Variants in RUFY2 observed in about 807,000 individuals in gnomAD.
RUFY2 encodes RUN and FYVE domain-containing protein 2.
A neutral mutation model predicts 94.4 loss-of-function variants in RUFY2; 49 were observed. The ratio of observed to expected loss-of-function variants is 0.52; its 90% CI spans 0.41 to 0.66. The LOEUF is 0.66. Among genes scored for constraint, RUFY2 ranks in the 30% least tolerant of loss-of-function variants. RUFY2 has a pLI of 0.00. For synonymous variants in RUFY2, 255 were observed against 235.7 expected (o/e 1.08, Z -0.75); for missense variants, 541 against 692.8 (o/e 0.78, Z 2.46).
chr10:68,359,381 TGTATATATAC>T (rs200751458), intron 15 of RUFY2, among the ~76,000 whole-genome samples: 1,661 of 149,376 alleles, frequency 0.011, 29 homozygotes, highest in African/African-American at 0.037. Flanking sequence ...TATATATGTG[TGTATATATAC>T]GTATATATAC....
chr10:68,399,944 C>A (rs558480103), intron 3 of RUFY2, among the ~76,000 whole-genome samples: 2 of 151,100 alleles, frequency 1.3e-5, no homozygotes, highest in East Asian at 4.0e-4. Flanking sequence ...ACCACACCGG[C>A]TAATTTTGTA....
chr10:68,363,910 T>G, intron 14 of RUFY2, 74 bp downstream of exon 14: 1 of 1,215,040 alleles, frequency 8.2e-7, no homozygotes, highest in Non-Finnish European at 1.1e-6. Flanking sequence ...TGGTATAATG[T>G]AAATTATGAT....
Position 68,400,545 on chromosome 10 carries a change from A to G in RUFY2, c.296+1075T>C, listed in dbSNP as rs535858950. Among the ~76,000 whole-genome samples, 457 of 151,204 alleles carry G rather than the reference A, an allele frequency of 3.0e-3. 2 individuals are homozygous for G. The highest frequency in any genetic ancestry group is 8.5e-3 in the Admixed American group (129 of 15,152). On this transcript the variant is annotated intron_variant, in intron 3 of 17. Transcript: ENST00000602465. ...CAAAAAATCAGCCAGGCATGGTGGC[A>G]TGCACCTGTAATCCCAGCTACTCGG...
At chr10:68,372,870 T>A (rs1312261267) in intron 13 of RUFY2, among the ~76,000 whole-genome samples, 3 of 151,454 alleles carry the variant, frequency 2.0e-5, no homozygotes, top group African/African-American at 7.3e-5. Context: ...GTCACACCAC[T>A]GCACTCCAGC....
intron 14 of RUFY2, 134 bp downstream of exon 14, chr10:68,363,850 C>G (rs2047628441): frequency 1.2e-6 from 1 of 849,508 alleles, no homozygotes; most frequent in African/African-American, 1.7e-5. Context: ...TTTCCATTTA[C>G]TTAATCTCTT....
At chr10:68,402,136 G>C (rs933020607) in intron 2 of RUFY2, among the ~76,000 whole-genome samples, 1 of 147,522 alleles carries the variant, frequency 6.8e-6, no homozygotes, top group Middle Eastern at 3.2e-3. Context: ...TTTTTTTTTA[G>C]TAAGTAGAGA....
intron 13 of RUFY2, among the ~76,000 whole-genome samples, chr10:68,373,095 A>T (rs1028855763): frequency 6.6e-6 from 1 of 152,210 alleles, no homozygotes; most frequent in African/African-American, 2.4e-5. Flanking sequence ...ATAATTAAGC[A>T]AATTATATTA....
In RUFY2 at chr10:68,377,046, A is replaced by G; in HGVS notation, c.1206-74T>C. 2.5e-6 allele frequency: 4 copies of G among 1,574,526 alleles called. No homozygotes were observed. The South Asian group carries it at 4.8e-5, about 19-fold the overall frequency. On this transcript the variant is annotated intron_variant, in intron 12 of 17. Transcript: ENST00000602465. ...GTGTAAAAGGGTGAAGAAGACAAAT[A>G]AAAGAAAAATGGGGAAATAGAAACA...
Position 68,407,258 on chromosome 10 carries a change from C to T in RUFY2, c.-69G>A. On this transcript the variant is annotated 5_prime_UTR_variant, in exon 1 of 18. Transcript: ENST00000602465. ...TGTCCAGCAGCTCCTTCCAGGCGCT[C>T]GGCGGCCACCACCGCATCTGCAGCC... 1 of 1,241,756 alleles carries T rather than the reference C, an allele frequency of 8.1e-7. No individual in the cohort carries two copies. Among genetic ancestry groups the T allele is most frequent in the Non-Finnish European group, 1.0e-6 (1 of 983,224 alleles). The allele number at this position is 1,241,756 out of a possible 1,614,324, so 76.9% of individuals were successfully genotyped here. A position where few individuals can be genotyped will look rare whatever the true frequency, so the allele number is the denominator to read the frequency against.
At chr10:68,350,180 T>G (rs901416114) in intron 16 of RUFY2, among the ~76,000 whole-genome samples, 1 of 151,998 alleles carries the variant, frequency 6.6e-6, no homozygotes, top group Non-Finnish European at 1.5e-5. Context: ...TGGCTAATTT[T>G]TGCATTTTTA....
chr10:68,364,429 T>TTG (rs2047662712), intron 13 of RUFY2, among the ~76,000 whole-genome samples: 1 of 152,218 alleles, frequency 6.6e-6, no homozygotes, highest in African/African-American at 2.4e-5. Flanking sequence ...ATATTAAAAC[T>TTG]GGTTACATCT....
chr10:68,386,041 T>G lies in RUFY2; in HGVS notation c.720+18A>C, dbSNP rs2049471378. 6.5e-7 allele frequency: 1 copy of G among 1,533,596 alleles called. No individual in the cohort carries two copies. The highest frequency in any genetic ancestry group is 8.9e-7 in the Non-Finnish European group (1 of 1,118,674). 95.0% of individuals were successfully genotyped at this position (1,533,596 alleles called of 1,614,324 possible). On this transcript the variant is annotated intron_variant, in intron 8 of 17. Transcript: ENST00000602465. ...CAAACACTAGGTCCATGAAATACATTTATCCATTAGACAATACCTCTTCAA... is the reference window on the plus strand; with the variant it reads ...CAAACACTAGGTCCATGAAATACATGTATCCATTAGACAATACCTCTTCAA...
At chr10:68,372,433 T>C (rs780690680) in intron 13 of RUFY2, among the ~76,000 whole-genome samples, 2 of 151,550 alleles carry the variant, frequency 1.3e-5, no homozygotes, top group African/African-American at 2.4e-5. Flanking sequence ...GTTTTTTAAT[T>C]AGCTGGCATG....
intron 16 of RUFY2, among the ~76,000 whole-genome samples, chr10:68,351,696 C>T (rs2046689932): frequency 2.0e-5 from 3 of 150,892 alleles, no homozygotes; most frequent in African/African-American, 7.3e-5. Context: ...GATCCGCCCA[C>T]CTTGGCCTCC....
In RUFY2 at chr10:68,343,496, A is replaced by C. The variant is rs945660787; in HGVS notation, c.*2272T>G. 6.6e-6 allele frequency: 1 copy of C among 152,620 alleles called. No individual in the cohort carries two copies. The highest frequency in any genetic ancestry group is 1.5e-5 in the Non-Finnish European group (1 of 68,022). The allele number at this position is 152,620 out of a possible 1,614,324, so 9.5% of individuals were successfully genotyped here. A position where few individuals can be genotyped will look rare whatever the true frequency, so the allele number is the denominator to read the frequency against. On this transcript the variant is annotated 3_prime_UTR_variant, in exon 18 of 18. Coordinates refer to ENST00000602465, the MANE Select transcript of RUFY2 (RefSeq NM_001330103.2). ...AAAGTATACAGTATTAATGAAACCAAAATTGCCCTTTTAAAGCAGGCTAAT... is the reference window on the plus strand; with the variant it reads ...AAAGTATACAGTATTAATGAAACCACAATTGCCCTTTTAAAGCAGGCTAAT...
At chr10:68,393,905 T>G in intron 6 of RUFY2, 170 bp downstream of exon 6, 2 of 1,358,270 alleles carry the variant, frequency 1.5e-6, no homozygotes, top group Non-Finnish European at 1.9e-6. Flanking sequence ...CCTAAGTGAT[T>G]TTCCATAATC....
downstream of RUFY2, chr10:68,341,401 G>A (rs1443224917): frequency 7.2e-7 from 1 of 1,381,334 alleles, no homozygotes; most frequent in East Asian, 2.3e-5. Flanking sequence ...CTTGGCAGTT[G>A]TTGGGATTTA....
At chr10:68,393,737 A>G (rs1429577363) in intron 6 of RUFY2, 1 of 290,424 alleles carries the variant, frequency 3.4e-6, no homozygotes, top group African/African-American at 2.3e-5. Context: ...TCAAAAAAAA[A>G]AAAACATAGT....
intron 3 of RUFY2, among the ~76,000 whole-genome samples, chr10:68,400,665 G>A (rs1351928585): frequency 6.8e-6 from 1 of 147,390 alleles, no homozygotes; most frequent in Non-Finnish European, 1.5e-5. Context: ...AACACAGCAA[G>A]ACTCCATCTC....
Sources: gnomAD v4.1 joint callset for allele counts (sites outside exome capture counted in the v4.1 genomes callset) on GRCh38, gnomAD v4.1.1 for gene constraint, MANE v1.5 for transcripts, NCBI Gene and HGNC (gene_info 2026-07-23, HGNC 2026-07-21) for gene names.